The following OPTC variants were observed in gnomAD, a reference collection of about 807,000 sequenced individuals.
The protein encoded by OPTC is oculoglycan.
OPTC carries 22 observed loss-of-function variants against 25.4 expected under a neutral mutation model. The ratio of observed to expected loss-of-function variants is 0.87; its 90% CI spans 0.62 to 1.24. OPTC has a LOEUF of 1.24. OPTC is among the 50% of genes most tolerant of loss of function. The probability of loss-of-function intolerance (pLI) is 0.00; values close to 1 mark genes in which losing one functional copy is unlikely to be tolerated. For synonymous variants in OPTC, 169 were observed against 179.3 expected, an observed-to-expected ratio of 0.94 and a Z score of 0.46; for missense variants, 417 against 425.2, an observed-to-expected ratio of 0.98 and a Z score of 0.17.
intron 4 of OPTC, among the ~76,000 whole-genome samples, chr1:203,499,364 G>A (rs1661336698): frequency 6.6e-6 from 1 of 151,986 alleles, no homozygotes; most frequent in African/African-American, 2.4e-5. Flanking sequence ...GGGATTCCTG[G>A]GCCTGTTGGT....
chr1:203,503,772 G>A (rs1194808170), intron 7 of OPTC, 27 bp downstream of exon 7: 2 of 1,553,764 alleles, frequency 1.3e-6, no homozygotes. Context: ...GACCATGCAG[G>A]CATGGGCCTC....
At chr1:203,504,953 G>A (rs1216456835) in intron 7 of OPTC, among the ~76,000 whole-genome samples, 1 of 152,222 alleles carries the variant, frequency 6.6e-6, no homozygotes, top group Non-Finnish European at 1.5e-5. Flanking sequence ...AGGATGGGAG[G>A]AAGGGCAACT....
At chr1:203,506,152 C>CTTTTTTT (rs1211629662) in intron 7 of OPTC, among the ~76,000 whole-genome samples, 10 of 140,590 alleles carry the variant, frequency 7.1e-5, no homozygotes, top group African/African-American at 1.3e-4. Flanking sequence ...TTTCTTTTTT[C>CTTTTTTT]TTTTTTTTTT....
intron 2 of OPTC, 31 bp downstream of exon 2, chr1:203,496,267 C>G: frequency 1.3e-6 from 2 of 1,524,330 alleles, no homozygotes. Flanking sequence ...ACTACATTCC[C>G]TGCATGACAC....
chr1:203,500,547 A>T (rs552005035), intron 5 of OPTC, among the ~76,000 whole-genome samples: 1 of 151,774 alleles, frequency 6.6e-6, no homozygotes, highest in African/African-American at 2.4e-5. Context: ...CACTGTTTTC[A>T]TCCTTTTAAA....
At position 203,505,928 on chromosome 1, in the gene OPTC, G is replaced by C. The variant is rs564795934; in HGVS notation, c.*25+2183G>C. Reference sequence around the variant, plus strand: ...TTGTTACAGCGGAATCTCTCTCTCTGTGTGTGTCTCTCTCTCTCTCAGAGT... The same window carrying C: ...TTGTTACAGCGGAATCTCTCTCTCTCTGTGTGTCTCTCTCTCTCTCAGAGT... On this transcript the variant is annotated intron_variant, in intron 7 of 7. Transcript: ENST00000367222. Among the ~76,000 whole-genome samples the C allele has an allele frequency of 8.9e-5, 13 of 146,120 alleles. No homozygotes were observed. In the East Asian group the frequency reaches 1.2e-3, roughly 14 times the overall value.
At chr1:203,499,999 C>A in intron 5 of OPTC, 148 bp downstream of exon 5, 1 of 684,598 alleles carries the variant, frequency 1.5e-6, no homozygotes. Flanking sequence ...ACCTCTACCA[C>A]CACCCACTTC....
chr1:203,499,902 ACCACCACCCACCT>A, intron 5 of OPTC, 51 bp downstream of exon 5: 1 of 1,444,002 alleles, frequency 6.9e-7, no homozygotes, highest in Non-Finnish European at 9.6e-7. Context: ...ACCCACCTCT[ACCACCACCCACCT>A]CCACCACCTA....
chr1:203,506,997 TAGGGA>T (rs1020866910), intron 7 of OPTC, among the ~76,000 whole-genome samples: 3 of 152,344 alleles, frequency 2.0e-5, no homozygotes, highest in African/African-American at 7.2e-5. Flanking sequence ...CATTTTTGGC[TAGGGA>T]AGCCCAAGGA....
chr1:203,502,170 A>G (rs1461342560), intron 5 of OPTC, among the ~76,000 whole-genome samples: 2 of 152,288 alleles, frequency 1.3e-5, no homozygotes, highest in Admixed American at 6.5e-5. Flanking sequence ...TATCATTTTT[A>G]TTTGCTCCCT....
chr1:203,494,940 T>G (rs895220262), intron 1 of OPTC, among the ~76,000 whole-genome samples: 13 of 152,190 alleles, frequency 8.5e-5, no homozygotes, highest in African/African-American at 3.1e-4. Context: ...CTAAGGAAAT[T>G]TCCAGATGCG....
chr1:203,507,575 C>A lies in OPTC; in HGVS notation c.*26-1071C>A, dbSNP rs753773970. ...TGCCAGCTCTGTGTGAAGGGGAGTG[C>A]CTCCCTCCTCTGGGGCACCCTGTGG... On this transcript the variant is annotated intron_variant, in intron 7 of 7. Transcript: ENST00000367222. 1.0e-3 allele frequency among the ~76,000 whole-genome samples: 155 copies of A among 152,182 alleles called. 1 individual carries two copies. The highest frequency in any genetic ancestry group is 1.9e-3 in the Non-Finnish European group (130 of 68,022).
chr1:203,494,631 A>G (rs891366620), intron 1 of OPTC, among the ~76,000 whole-genome samples: 1 of 152,240 alleles, frequency 6.6e-6, no homozygotes, highest in African/African-American at 2.4e-5. Context: ...GCTGGGCAAC[A>G]GAGTGACACC....
chr1:203,495,804 C>T lies in OPTC; in HGVS notation c.-41-161C>T, dbSNP rs2242200. On this transcript the variant is annotated intron_variant, in intron 1 of 7. Transcript: ENST00000367222. ...GGAGGGGGCTGCTAGGAGATACCCC[C>T]CAAGACATAGTCCCAGCTGGTAGGG... 0.045 allele frequency among the ~76,000 whole-genome samples: 6,785 copies of T among 152,156 alleles called. 212 individuals carry two copies. Among genetic ancestry groups the T allele is most frequent in the East Asian group, 0.16 (850 of 5,170 alleles).
Position 203,503,658 on chromosome 1 carries a change from C to A in OPTC, c.937C>A (p.Leu313Ile). The A allele has an allele frequency of 6.2e-7, 1 of 1,613,208 alleles. No individual in the cohort carries two copies. The highest frequency in any genetic ancestry group is 1.1e-5 in the South Asian group (1 of 91,090). Reference sequence around the variant, plus strand: ...CCGCCTGGATGGCAACCCCATCAACCTCAGCCTCTTCCCCAGCGCCTACTT... The same window carrying A: ...CCGCCTGGATGGCAACCCCATCAACATCAGCCTCTTCCCCAGCGCCTACTT... ...DIRLDGNPIN[L>I]SLFPSAYFCL... is the part of the protein sequence containing the mutation. Residue 313 changes from leucine to isoleucine, a missense_variant, in exon 7 of 8, where the codon CTC becomes ATC. Transcript: ENST00000367222.
chr1:203,503,068 C>G, intron 6 of OPTC, 59 bp downstream of exon 6: 1 of 1,369,326 alleles, frequency 7.3e-7, no homozygotes, highest in East Asian at 2.3e-5. Flanking sequence ...AAGTTAGATA[C>G]CAGGAGCAGG....
rs372746034 is a variant in OPTC at position 203,502,955 on chromosome 1, G to A, written c.774G>A (p.Leu258=). Residue 258 remains leucine (L), a synonymous_variant, in exon 6 of 8, where the codon CTG becomes CTA. Transcript: ENST00000367222. The part of the protein sequence containing the change: ...KLQFLYLSDN[L]LDSIPGPLPL... Reference sequence around the variant, plus strand: ...AGTTCCTTTACCTGTCAGACAACCTGCTGGATTCTATCCCGGGGCCTTTGC... The same window carrying A: ...AGTTCCTTTACCTGTCAGACAACCTACTGGATTCTATCCCGGGGCCTTTGC... 6.2e-7 allele frequency: 1 copy of A among 1,613,992 alleles called. No homozygotes were observed. The highest frequency in any genetic ancestry group is 8.5e-7 in the Non-Finnish European group (1 of 1,180,050).
At chr1:203,507,490 G>A (rs1371791889) in intron 7 of OPTC, among the ~76,000 whole-genome samples, 1 of 152,212 alleles carries the variant, frequency 6.6e-6, no homozygotes, top group African/African-American at 2.4e-5. Context: ...TGGCCCAGCA[G>A]CAACTCATAT....
intron 7 of OPTC, among the ~76,000 whole-genome samples, chr1:203,504,532 C>T (rs1339446467): frequency 1.3e-5 from 2 of 152,168 alleles, no homozygotes; most frequent in African/African-American, 4.8e-5. Flanking sequence ...TGCCTGCATA[C>T]CACTGAGGAG....
Sources: allele counts gnomAD v4.1 joint callset (sites outside exome capture counted in the v4.1 genomes callset), GRCh38; gene constraint gnomAD v4.1.1; transcripts MANE v1.5; gene names NCBI Gene and HGNC (gene_info 2026-07-23, HGNC 2026-07-21).